The following LRRC4C variants were observed in gnomAD, a reference collection of about 807,000 sequenced individuals.
LRRC4C encodes the protein leucine-rich repeat-containing protein 4C.
A neutral mutation model predicts 33.6 loss-of-function variants in LRRC4C; 5 were observed. That is an observed-to-expected ratio of 0.15 (90% CI 0.08 to 0.31). The LOEUF is 0.31. Among genes scored for constraint, LRRC4C ranks in the 10% least tolerant of loss-of-function variants. The pLI is 1.00. For synonymous variants in LRRC4C, 329 were observed against 302.0 expected (o/e 1.09, Z -0.93); for missense variants, 560 against 796.7 (o/e 0.70, Z 3.58).
intron 3 of LRRC4C, among the ~76,000 whole-genome samples, chr11:40,453,313 G>A (rs115310180): frequency 5.3e-5 from 8 of 151,452 alleles, no homozygotes; most frequent in African/African-American, 1.9e-4. Context: ...GTGCTTTTGA[G>A]AAAATAAAAA....
intron 3 of LRRC4C, among the ~76,000 whole-genome samples, chr11:40,505,056 C>G (rs1446119193): frequency 6.6e-6 from 1 of 152,128 alleles, no homozygotes; most frequent in South Asian, 2.1e-4. Context: ...CCTTCATACT[C>G]TCTTACCTCG....
chr11:41,421,465 C>T (rs1003126994), intron 1 of LRRC4C, among the ~76,000 whole-genome samples: 3 of 151,978 alleles, frequency 2.0e-5, no homozygotes, highest in African/African-American at 2.4e-5. Flanking sequence ...TTTTCTCAAA[C>T]CTTCTGATAA....
At chr11:40,968,919 G>A (rs1418497362) in intron 1 of LRRC4C, among the ~76,000 whole-genome samples, 1 of 152,122 alleles carries the variant, frequency 6.6e-6, no homozygotes, top group East Asian at 1.9e-4. Context: ...TGTTTTGACT[G>A]CCAAGACGTT....
chr11:41,175,110 G>A (rs980291630), intron 1 of LRRC4C, among the ~76,000 whole-genome samples: 2 of 151,772 alleles, frequency 1.3e-5, no homozygotes, highest in African/African-American at 4.8e-5. Flanking sequence ...AATGCCTGTA[G>A]TCCTGCTCTC....
intron 3 of LRRC4C, among the ~76,000 whole-genome samples, chr11:40,362,424 A>G: frequency 6.6e-6 from 1 of 152,180 alleles, no homozygotes; most frequent in Non-Finnish European, 1.5e-5. Flanking sequence ...CAAGAAAAAA[A>G]AACATTAAAT....
chr11:40,447,469 T>C (rs1473128208), intron 3 of LRRC4C, among the ~76,000 whole-genome samples: 1 of 152,176 alleles, frequency 6.6e-6, no homozygotes, highest in African/African-American at 2.4e-5. Flanking sequence ...AAGGGACCAT[T>C]GCTAGCATCC....
At chr11:40,737,113 T>C (rs1947910422) in intron 2 of LRRC4C, among the ~76,000 whole-genome samples, 1 of 151,912 alleles carries the variant, frequency 6.6e-6, no homozygotes, top group African/African-American at 2.4e-5. Flanking sequence ...TTTTCTTCTA[T>C]GGTTTTTATG....
At chr11:40,730,172 C>G (rs1947489459) in intron 2 of LRRC4C, among the ~76,000 whole-genome samples, 1 of 152,034 alleles carries the variant, frequency 6.6e-6, no homozygotes, top group Non-Finnish European at 1.5e-5. Flanking sequence ...TTAGTGGGTG[C>G]AGCGCACCAG....
At chr11:40,473,622 G>T (rs1953055608) in intron 3 of LRRC4C, among the ~76,000 whole-genome samples, 1 of 152,112 alleles carries the variant, frequency 6.6e-6, no homozygotes, top group Non-Finnish European at 1.5e-5. Flanking sequence ...GCAAGAGAAA[G>T]AAATAAAGGG....
intron 1 of LRRC4C, among the ~76,000 whole-genome samples, chr11:41,390,123 TTTTG>T (rs1274394176): frequency 6.6e-6 from 1 of 151,958 alleles, no homozygotes; most frequent in Non-Finnish European, 1.5e-5. Context: ...AAGTTAATTA[TTTTG>T]TTTGCCGAGG....
At chr11:40,439,720 G>T (rs1419341488) in intron 3 of LRRC4C, among the ~76,000 whole-genome samples, 1 of 152,070 alleles carries the variant, frequency 6.6e-6, no homozygotes, top group African/African-American at 2.4e-5. Context: ...CCAAAGTGCT[G>T]GGATTACAGG....
chr11:41,448,122 G>GTTTTTTTTTTTTTTTTTTTTTTTT (rs71063918), intron 1 of LRRC4C, among the ~76,000 whole-genome samples: 707 of 46,826 alleles, frequency 0.015, 155 homozygotes, highest in Non-Finnish European at 0.022. Flanking sequence ...GCACACGTCT[G>GTTTTTTTTTTTTTTTTTTTTTTTT]TTTTTTTTTT....
At chr11:41,452,121 C>T (rs911099266) in intron 1 of LRRC4C, among the ~76,000 whole-genome samples, 1 of 152,020 alleles carries the variant, frequency 6.6e-6, no homozygotes. Flanking sequence ...TTTACTTCTT[C>T]CATTTGGAGT....
chr11:41,162,034 A>C (rs752646149), intron 1 of LRRC4C, among the ~76,000 whole-genome samples: 10 of 152,194 alleles, frequency 6.6e-5, no homozygotes, highest in Non-Finnish European at 1.3e-4. Context: ...GTCTTGGCTT[A>C]TCTGGCGCCA....
At chr11:40,517,677 A>G (rs1318976211) in intron 3 of LRRC4C, among the ~76,000 whole-genome samples, 5 of 152,126 alleles carry the variant, frequency 3.3e-5, no homozygotes, top group Admixed American at 3.3e-4. Flanking sequence ...CATACTGCCC[A>G]AAGTAATTTA....
intron 1 of LRRC4C, among the ~76,000 whole-genome samples, chr11:41,283,009 A>G (rs979987488): frequency 1.3e-5 from 2 of 152,194 alleles, no homozygotes; most frequent in African/African-American, 4.8e-5. Flanking sequence ...ATCAAATGTA[A>G]TGTTTTTAAT....
At position 40,251,537 on chromosome 11, in the gene LRRC4C, G is replaced by A. The variant is rs556674602; in HGVS notation, c.-175-9939C>T. On this transcript the variant is annotated intron_variant, in intron 4 of 6. Coordinates refer to ENST00000528697, the MANE Select transcript of LRRC4C (RefSeq NM_001258419.2). ...CTCATGCCCCAAAGCCTGGCTCGAAGGAAAATAAGAATAACTAAAATGCAA... is the reference window on the plus strand; with the variant it reads ...CTCATGCCCCAAAGCCTGGCTCGAAAGAAAATAAGAATAACTAAAATGCAA... Among the ~76,000 whole-genome samples, 12 of 152,144 alleles carry A rather than the reference G, an allele frequency of 7.9e-5. No homozygotes were observed. The South Asian group carries it at 2.5e-3, about 32-fold the overall frequency.
chr11:40,609,655 TTAAAC>T (rs1270944320), intron 3 of LRRC4C, among the ~76,000 whole-genome samples: 2 of 151,720 alleles, frequency 1.3e-5, no homozygotes, highest in Non-Finnish European at 2.9e-5. Flanking sequence ...TAACAAATCT[TTAAAC>T]TAGGAAAAAA....
At chr11:40,710,104 G>A (rs181199855) in intron 2 of LRRC4C, among the ~76,000 whole-genome samples, 1 of 152,154 alleles carries the variant, frequency 6.6e-6, no homozygotes, top group African/African-American at 2.4e-5. Flanking sequence ...CTTTTTTCAA[G>A]GTTTTTAGCT....
Sources: allele counts gnomAD v4.1 joint callset (sites outside exome capture counted in the v4.1 genomes callset), GRCh38; gene constraint gnomAD v4.1.1; transcripts MANE v1.5; gene names NCBI Gene and HGNC (gene_info 2026-07-23, HGNC 2026-07-21).